MLIP: variants seen among roughly 807,000 people sequenced by gnomAD.
The protein encoded by MLIP is muscular LMNA interacting protein, also known as muscular LMNA-interacting protein.
MLIP carries 79 observed loss-of-function variants against 84.8 expected under a neutral mutation model. The ratio of observed to expected loss-of-function variants is 0.93; its 90% CI spans 0.78 to 1.12. The LOEUF (loss-of-function observed/expected upper bound fraction) is 1.12, where lower values mean the gene tolerates loss of function less well. Among genes scored for constraint, MLIP ranks in the 50% most tolerant of loss-of-function variants. The probability of loss-of-function intolerance (pLI) is 0.00; values close to 1 mark genes in which losing one functional copy is unlikely to be tolerated. For synonymous variants in MLIP, 504 were observed against 463.0 expected (o/e 1.09, Z -1.14); for missense variants, 1,257 against 1,160.6 (o/e 1.08, Z -1.21).
chr6:54,102,497 A>G (rs1768726673), intron 1 of MLIP, among the ~76,000 whole-genome samples: 1 of 152,114 alleles, frequency 6.6e-6, no homozygotes, highest in Non-Finnish European at 1.5e-5. Context: ...CTTCCTTCAT[A>G]GATTCCTAAA....
intron 1 of MLIP, among the ~76,000 whole-genome samples, chr6:54,038,910 C>T (rs1409401088): frequency 2.0e-5 from 3 of 151,734 alleles, no homozygotes; most frequent in Non-Finnish European, 2.9e-5. Flanking sequence ...TTTCATATAA[C>T]GAAATTAGAT....
chr6:54,129,474 A>T (rs755010620), intron 3 of MLIP, among the ~76,000 whole-genome samples: 6 of 152,190 alleles, frequency 3.9e-5, no homozygotes, highest in Non-Finnish European at 5.9e-5. Context: ...TAGAGAATAG[A>T]CATTACCTAA....
rs931318627 is a variant in MLIP, at chr6:54,081,756, C to G, written c.64-39691C>G. 2.6e-5 allele frequency among the ~76,000 whole-genome samples: 4 copies of G among 152,156 alleles called. No homozygotes were observed. The South Asian group carries it at 8.3e-4, about 32-fold the overall frequency. Reference sequence around the variant, plus strand: ...TGAGAAAATGTTAAGACACTGACCTCGCCCCAGCAGACTTTTGGATACCCA... The same window carrying G: ...TGAGAAAATGTTAAGACACTGACCTGGCCCCAGCAGACTTTTGGATACCCA... On this transcript the variant is annotated intron_variant, in intron 1 of 12. Coordinates refer to the MLIP transcript ENST00000274897.
intron 3 of MLIP, among the ~76,000 whole-genome samples, chr6:54,130,052 CCT>C (rs953438228): frequency 6.6e-6 from 1 of 151,958 alleles, no homozygotes; most frequent in African/African-American, 2.4e-5. Flanking sequence ...TACATGATTC[CCT>C]CTTTTTATCT....
chr6:54,031,869 C>T (rs1433442313), intron 1 of MLIP, among the ~76,000 whole-genome samples: 2 of 152,142 alleles, frequency 1.3e-5, no homozygotes, highest in African/African-American at 4.8e-5. Context: ...GCACTAAATG[C>T]TGGCATGCTT....
At chr6:54,186,059 AACAAACATTGTTAGACACTGTGT>A (rs1189852567) in intron 9 of MLIP, among the ~76,000 whole-genome samples, 3 of 152,168 alleles carry the variant, frequency 2.0e-5, no homozygotes, top group Non-Finnish European at 4.4e-5. Flanking sequence ...AAACCCAGAA[AACAAACATTGTTAGACACTGTGT>A]ACAAAGGACT....
intron 8 of MLIP, among the ~76,000 whole-genome samples, chr6:54,163,252 C>T (rs1774843282): frequency 6.6e-6 from 1 of 151,768 alleles, no homozygotes; most frequent in African/African-American, 2.4e-5. Flanking sequence ...CTGCTACTTT[C>T]CTTTTTTTCA....
intron 1 of MLIP, among the ~76,000 whole-genome samples, chr6:54,031,933 T>G (rs1764165464): frequency 6.6e-6 from 1 of 152,142 alleles, no homozygotes; most frequent in Admixed American, 6.6e-5. Context: ...GCTATGGCAT[T>G]GGTGGCAGAA....
chr6:54,202,777 G>C (rs932261137), intron 11 of MLIP, among the ~76,000 whole-genome samples: 4 of 151,704 alleles, frequency 2.6e-5, no homozygotes, highest in Admixed American at 2.0e-4. Context: ...GTGTGCCTGT[G>C]GTCCCAGCTA....
rs139705125 is a variant in MLIP at position 54,261,829 on chromosome 6, A to G, written c.2977-4121A>G. ...AGGCCCACTCTATTCTTTTCAGGCA[A>G]TTTTCCAAAACATTATTTCTCAAAA... On this transcript the variant is annotated intron_variant, in intron 13 of 13. Coordinates refer to ENST00000502396, the MANE Select transcript of MLIP (RefSeq NM_001281747.2). 123 of 708,644 alleles carry G rather than the reference A, an allele frequency of 1.7e-4. 1 individual carries two copies. The African/African-American group carries it at 2.3e-3, about 13-fold the overall frequency. The allele number at this position is 708,644 out of a possible 1,614,324, so 43.9% of individuals were successfully genotyped here.
intron 1 of MLIP, among the ~76,000 whole-genome samples, chr6:54,080,820 G>A (rs907247083): frequency 6.7e-6 from 1 of 150,130 alleles, no homozygotes; most frequent in Non-Finnish European, 1.5e-5. Context: ...GTACCCAAAG[G>A]GCTAGAGGAA....
chr6:54,062,800 C>T (rs1311278247), intron 1 of MLIP, among the ~76,000 whole-genome samples: 1 of 152,126 alleles, frequency 6.6e-6, no homozygotes, highest in East Asian at 1.9e-4. Flanking sequence ...TTAAGACAGC[C>T]TTTTCATATA....
intron 1 of MLIP, among the ~76,000 whole-genome samples, chr6:54,112,655 T>G (rs1188156091): frequency 7.4e-6 from 1 of 135,728 alleles, no homozygotes; most frequent in Non-Finnish European, 1.6e-5. Flanking sequence ...CATGTACTGG[T>G]TCAACTAAAA....
intron 13 of MLIP, 27 bp from the exon 14 acceptor site, chr6:54,265,923 T>C (rs753925572): frequency 1.2e-6 from 2 of 1,606,588 alleles, no homozygotes; most frequent in Non-Finnish European, 8.5e-7. Context: ...CATCTTAACC[T>C]GACTACCATA....
rs1778733954 is a variant in MLIP, at chr6:54,202,213, A to G, written c.2698A>G (p.Ser900Gly). 1.9e-6 allele frequency: 3 copies of G among 1,575,938 alleles called. No homozygotes were observed. Among genetic ancestry groups the G allele is most frequent in the Non-Finnish European group, 2.6e-6 (3 of 1,161,228 alleles). Residue 900 changes from serine (S) to glycine (G), a missense_variant, in exon 11 of 14, where the codon AGC becomes GGC. Coordinates refer to ENST00000502396, the MANE Select transcript of MLIP (RefSeq NM_001281747.2). ...TTTCAGTAAATACTTGGAAGATAAC[A>G]GCGACCTCTTTTCTGAACAGGTGAG... is the stretch of plus-strand genomic sequence containing the variant. ...NPFSKYLEDN[S>G]DLFSEQDVTV...
chr6:54,131,402 C>T (rs1223711303), intron 3 of MLIP, among the ~76,000 whole-genome samples: 2 of 152,020 alleles, frequency 1.3e-5, no homozygotes, highest in Non-Finnish European at 2.9e-5. Flanking sequence ...TTAAAGAGCT[C>T]ACTTGATTAG....
chr6:54,244,268 A>G (rs1303255930), intron 12 of MLIP, among the ~76,000 whole-genome samples: 2 of 152,226 alleles, frequency 1.3e-5, no homozygotes, highest in East Asian at 3.8e-4. Flanking sequence ...GTTTTTAAAG[A>G]TAATGGAGAT....
intron 1 of MLIP, among the ~76,000 whole-genome samples, chr6:54,085,424 T>A (rs982416989): frequency 2.0e-5 from 3 of 152,208 alleles, no homozygotes; most frequent in African/African-American, 7.2e-5. Context: ...ATTTCAAAAG[T>A]TTTTGTGAGG....
At chr6:54,065,235 C>T (rs1258974595) in intron 1 of MLIP, among the ~76,000 whole-genome samples, 1 of 100,254 alleles carries the variant, frequency 1.0e-5, no homozygotes, top group East Asian at 2.7e-4. Flanking sequence ...TCAATTGATT[C>T]ATGCTAAACG....
Sources: gnomAD v4.1 joint callset for allele counts (sites outside exome capture counted in the v4.1 genomes callset) on GRCh38, gnomAD v4.1.1 for gene constraint, MANE v1.5 for transcripts, NCBI Gene and HGNC (gene_info 2026-07-23, HGNC 2026-07-21) for gene names.